SLC30A8: variants seen among roughly 807,000 people sequenced by gnomAD.
SLC30A8 encodes proton-coupled zinc antiporter SLC30A8.
A neutral mutation model predicts 36.9 loss-of-function variants in SLC30A8; 27 were observed. The observed-to-expected ratio is 0.73, with a 90% CI of 0.54 to 1.01. The LOEUF is 1.01. SLC30A8 is among the 50% of genes least tolerant of loss of function. The probability of loss-of-function intolerance (pLI) is 0.00; values close to 1 mark genes in which losing one functional copy is unlikely to be tolerated. For missense variants in SLC30A8, 439 were observed against 452.0 expected, an observed-to-expected ratio of 0.97 and a Z score of 0.26; for synonymous variants, 164 against 172.4, an observed-to-expected ratio of 0.95 and a Z score of 0.38.
intron 1 of SLC30A8, among the ~76,000 whole-genome samples, chr8:116,982,506 T>G (rs755390267): frequency 1.3e-5 from 2 of 152,194 alleles, no homozygotes; most frequent in Non-Finnish European, 2.9e-5. Context: ...TATTTTACAT[T>G]ACAATAAATG....
At chr8:116,996,760 C>T (rs925026045) in intron 1 of SLC30A8, among the ~76,000 whole-genome samples, 7 of 152,206 alleles carry the variant, frequency 4.6e-5, no homozygotes, top group Admixed American at 2.6e-4. Flanking sequence ...TATTTGGTAG[C>T]TATGAAACTT....
intron 2 of SLC30A8, among the ~76,000 whole-genome samples, chr8:117,039,890 C>T (rs1817326740): frequency 6.6e-6 from 1 of 152,040 alleles, no homozygotes; most frequent in Non-Finnish European, 1.5e-5. Context: ...TTTTTCTGAC[C>T]TCTAGACCTT....
chr8:116,956,509 TTCTTA>T (rs1242999444), intron 1 of SLC30A8, among the ~76,000 whole-genome samples: 1 of 152,212 alleles, frequency 6.6e-6, no homozygotes, highest in Admixed American at 6.5e-5. Context: ...TTTCTAGTGA[TTCTTA>T]TCTTTTAGTA....
intron 1 of SLC30A8, among the ~76,000 whole-genome samples, chr8:117,018,920 C>G (rs537545942): frequency 6.6e-6 from 1 of 152,294 alleles, no homozygotes; most frequent in Non-Finnish European, 1.5e-5. Flanking sequence ...ACCTCGGCCT[C>G]CCAAAGTGTT....
intron 2 of SLC30A8, among the ~76,000 whole-genome samples, chr8:117,076,722 C>G (rs1818499772): frequency 6.6e-6 from 1 of 152,010 alleles, no homozygotes; most frequent in Non-Finnish European, 1.5e-5. Context: ...CCTTATTTAT[C>G]TATCTCCACT....
upstream of SLC30A8, among the ~76,000 whole-genome samples, chr8:117,131,096 A>G (rs1379583575): frequency 6.6e-6 from 1 of 152,008 alleles, no homozygotes; most frequent in Non-Finnish European, 1.5e-5. Context: ...ATAGTAAAAA[A>G]AATTACATGG....
chr8:117,078,992 T>G (rs1818577381), intron 2 of SLC30A8, among the ~76,000 whole-genome samples: 1 of 152,044 alleles, frequency 6.6e-6, no homozygotes, highest in Middle Eastern at 3.4e-3. Context: ...CTGGCCTGAA[T>G]TCTCTTTTTT....
intron 2 of SLC30A8, among the ~76,000 whole-genome samples, chr8:117,071,075 C>T (rs1340542314): frequency 6.6e-6 from 1 of 152,098 alleles, no homozygotes; most frequent in East Asian, 1.9e-4. Flanking sequence ...AATGGAGTTA[C>T]TGGGTCATAG....
At chr8:117,057,328 G>C (rs545127313) in intron 2 of SLC30A8, among the ~76,000 whole-genome samples, 104 of 152,148 alleles carry the variant, frequency 6.8e-4, no homozygotes, top group African/African-American at 2.4e-3. Context: ...ATTGTATAAC[G>C]CTTACCACAA....
At chr8:117,076,775 T>C (rs1002215389) in intron 2 of SLC30A8, among the ~76,000 whole-genome samples, 1 of 152,090 alleles carries the variant, frequency 6.6e-6, no homozygotes, top group African/African-American at 2.4e-5. Context: ...TAGTCATTTT[T>C]TTTTTTTGGC....
chr8:117,098,599 A>G (rs1426064995), intron 2 of SLC30A8, among the ~76,000 whole-genome samples: 1 of 152,230 alleles, frequency 6.6e-6, no homozygotes, highest in Non-Finnish European at 1.5e-5. Flanking sequence ...GCTGGCCACA[A>G]GAATGGCATA....
chr8:117,050,693 AC>A (rs1302410506), intron 2 of SLC30A8, among the ~76,000 whole-genome samples: 2 of 152,216 alleles, frequency 1.3e-5, no homozygotes, highest in African/African-American at 4.8e-5. Flanking sequence ...GGCGTGAGCC[AC>A]CACGCCTGGC....
chr8:117,114,236 G>C (rs761370754), intron 2 of SLC30A8, among the ~76,000 whole-genome samples: 2 of 152,044 alleles, frequency 1.3e-5, no homozygotes, highest in Non-Finnish European at 2.9e-5. Context: ...ATAATTATTA[G>C]ATGAAATGAG....
chr8:116,963,383 C>T (rs1360195901), intron 1 of SLC30A8, among the ~76,000 whole-genome samples: 3 of 151,950 alleles, frequency 2.0e-5, no homozygotes, highest in Non-Finnish European at 4.4e-5. Context: ...TACCTAGTTC[C>T]AGAACATTTT....
intron 1 of SLC30A8, among the ~76,000 whole-genome samples, chr8:116,969,958 A>G (rs1182366931): frequency 6.6e-6 from 1 of 152,074 alleles, no homozygotes; most frequent in Non-Finnish European, 1.5e-5. Flanking sequence ...ATAGAAAAAA[A>G]TTTCTTTCTT....
At chr8:116,978,098 C>T (rs555861089) in intron 1 of SLC30A8, among the ~76,000 whole-genome samples, 2 of 152,184 alleles carry the variant, frequency 1.3e-5, no homozygotes, top group Non-Finnish European at 2.9e-5. Context: ...CTTCCTGTAA[C>T]CTTCCTGTAT....
intron 2 of SLC30A8, among the ~76,000 whole-genome samples, chr8:117,058,993 T>C (rs1817951910): frequency 6.6e-6 from 1 of 151,812 alleles, no homozygotes; most frequent in Admixed American, 6.6e-5. Context: ...TTTAAAAAAA[T>C]TGCAAGGATA....
chr8:117,107,736 T>G (rs567298172), intron 2 of SLC30A8, among the ~76,000 whole-genome samples: 11 of 152,176 alleles, frequency 7.2e-5, no homozygotes, highest in African/African-American at 2.6e-4. Flanking sequence ...CTCCCCCAAA[T>G]CTCTCAGGTA....
intron 2 of SLC30A8, among the ~76,000 whole-genome samples, chr8:117,085,444 GA>G (rs377579356): frequency 3.3e-5 from 5 of 152,154 alleles, no homozygotes; most frequent in African/African-American, 1.2e-4. Context: ...ACACTAAATG[GA>G]ATTCCAAGTT....
Sources: allele counts gnomAD v4.1 joint callset (sites outside exome capture counted in the v4.1 genomes callset), GRCh38; gene constraint gnomAD v4.1.1; transcripts MANE v1.5; gene names NCBI Gene and HGNC (gene_info 2026-07-23, HGNC 2026-07-21).